The following CACNA1E variants were observed in gnomAD, a reference collection of about 807,000 sequenced individuals.
CACNA1E encodes calcium voltage-gated channel subunit alpha1 E.
CACNA1E carries 40 observed loss-of-function variants against 259.2 expected under a neutral mutation model. The ratio of observed to expected loss-of-function variants is 0.15; its 90% CI spans 0.12 to 0.20. The LOEUF is 0.20. Ranked by LOEUF, CACNA1E falls within the 10% of genes least tolerant of loss-of-function variation. CACNA1E has a pLI of 1.00. For missense variants in CACNA1E, 1,874 were observed against 3,040.1 expected (o/e 0.62, Z 9.02); for synonymous variants, 1,104 against 1,138.5 (o/e 0.97, Z 0.61).
chr1:181,378,197 A>G (rs1655231057), intron 1 of CACNA1E, among the ~76,000 whole-genome samples: 1 of 152,248 alleles, frequency 6.6e-6, no homozygotes, highest in African/African-American at 2.4e-5. Context: ...TGTAATAATA[A>G]TAACAGAGAT....
At chr1:181,710,771 G>A (rs752553954) in intron 7 of CACNA1E, among the ~76,000 whole-genome samples, 183 bp from the exon 8 acceptor site, 6 of 152,220 alleles carry the variant, frequency 3.9e-5, no homozygotes, top group Non-Finnish European at 7.3e-5. Context: ...TTGTGAGGCT[G>A]AATGAGGTGT....
Position 181,802,553 on chromosome 1 carries a change from A to C in CACNA1E, c.*3719A>C, listed in dbSNP as rs1199621981. On this transcript the variant is annotated 3_prime_UTR_variant, in exon 48 of 48. Transcript: ENST00000367573. ...GCTCCTGAGATGGTTAATTCCACCCAATCCAAGCTTATTTGCTTGCCTGAC... is the reference window on the plus strand; with the variant it reads ...GCTCCTGAGATGGTTAATTCCACCCCATCCAAGCTTATTTGCTTGCCTGAC... 1 of 152,100 alleles carries C rather than the reference A, an allele frequency of 6.6e-6. No homozygotes were observed. Among genetic ancestry groups the C allele is most frequent in the African/African-American group, 2.4e-5 (1 of 41,392 alleles). The allele number at this position is 152,100 out of a possible 1,614,324, so 9.4% of individuals were successfully genotyped here.
Position 181,765,683 on chromosome 1 carries a change from G to A in CACNA1E, c.4816-863G>A, listed in dbSNP as rs770682668. Among the ~76,000 whole-genome samples, 5 of 152,294 alleles carry A rather than the reference G, an allele frequency of 3.3e-5. No individual in the cohort carries two copies. In the East Asian group the frequency reaches 7.7e-4, roughly 23 times the overall value. Reference sequence around the variant, plus strand: ...AATCAAGACAGGGTGGAGACTCCTCGTAGCACTGTCTGCCAGGGAGCTTAG... The same window carrying A: ...AATCAAGACAGGGTGGAGACTCCTCATAGCACTGTCTGCCAGGGAGCTTAG... On this transcript the variant is annotated intron_variant, in intron 34 of 47. Transcript: ENST00000367573.
Position 181,410,666 on chromosome 1 carries a change from G to A in CACNA1E, c.-14-2467G>A, listed in dbSNP as rs114625844. ...GGCATTTATGGATTCTGCTTCATGT[G>A]GTAGAGACACTGTGATCAATATAGT... On this transcript the variant is annotated intron_variant, in intron 1 of 11. Transcript: ENST00000524607. 5.1e-3 allele frequency among the ~76,000 whole-genome samples: 776 copies of A among 152,234 alleles called. 6 individuals carry two copies. The highest frequency in any genetic ancestry group is 0.012 in the Admixed American group (187 of 15,300).
chr1:181,523,413 G>A (rs1667130913), intron 3 of CACNA1E, among the ~76,000 whole-genome samples: 1 of 152,182 alleles, frequency 6.6e-6, no homozygotes, highest in African/African-American at 2.4e-5. Flanking sequence ...TAAAAGTATT[G>A]TTGAATGAGT....
chr1:181,393,827 T>C (rs898368795), intron 1 of CACNA1E, among the ~76,000 whole-genome samples: 1 of 152,190 alleles, frequency 6.6e-6, no homozygotes, highest in Non-Finnish European at 1.5e-5. Flanking sequence ...TTAAAAACCA[T>C]TACATTTCAA....
At chr1:181,645,727 G>GT (rs1234603729) in intron 6 of CACNA1E, among the ~76,000 whole-genome samples, 1 of 152,204 alleles carries the variant, frequency 6.6e-6, no homozygotes, top group African/African-American at 2.4e-5. Flanking sequence ...CTTCATGGGT[G>GT]TTTCCCCCAT....
At chr1:181,346,125 TC>T (rs940522315) in intron 1 of CACNA1E, among the ~76,000 whole-genome samples, 7 of 152,304 alleles carry the variant, frequency 4.6e-5, no homozygotes, top group African/African-American at 1.4e-4. Context: ...GCACTGAAGG[TC>T]AGCGAGGGCC....
At chr1:181,331,213 G>GAGAT (rs57300831) in intron 1 of CACNA1E, among the ~76,000 whole-genome samples, 13,950 of 151,752 alleles carry the variant, frequency 0.092, 709 homozygotes, top group East Asian at 0.15. Context: ...GAATCAATAG[G>GAGAT]AGATAGATAG....
At chr1:181,638,739 G>A (rs953638546) in intron 6 of CACNA1E, among the ~76,000 whole-genome samples, 3 of 152,194 alleles carry the variant, frequency 2.0e-5, no homozygotes, top group African/African-American at 7.2e-5. Flanking sequence ...CCCCCATGCT[G>A]TTCTCATGAT....
At chr1:181,527,366 G>C (rs1229565801) in intron 3 of CACNA1E, among the ~76,000 whole-genome samples, 2 of 152,202 alleles carry the variant, frequency 1.3e-5, no homozygotes, top group African/African-American at 4.8e-5. Context: ...TCTAAAGGCT[G>C]AACCTCCAAA....
At chr1:181,626,425 A>G (rs199938) in intron 6 of CACNA1E, among the ~76,000 whole-genome samples, 146,331 of 152,300 alleles carry the variant, frequency 0.96, 70,527 homozygotes, top group East Asian at 1. Context: ...AGGTTAGAGA[A>G]TTCTGCTTTC....
rs935944159 is a variant in CACNA1E at position 181,447,603 on chromosome 1, T to C, written c.434+34023T>C. 2.6e-5 allele frequency among the ~76,000 whole-genome samples: 4 copies of C among 152,308 alleles called. No homozygotes were observed. The East Asian group carries it at 5.8e-4, about 22-fold the overall frequency. ...GTGTTTTAGTTTTTCTGTTACTGCC[T>C]TTACAAATGACCACAAATTTAGTAG... On this transcript the variant is annotated intron_variant, in intron 2 of 11. Coordinates refer to the CACNA1E transcript ENST00000524607.
intron 35 of CACNA1E, among the ~76,000 whole-genome samples, chr1:181,769,013 G>A (rs1284867085): frequency 3.3e-5 from 5 of 152,204 alleles, no homozygotes; most frequent in Non-Finnish European, 7.3e-5. Context: ...TCGGAAGTTC[G>A]AAAGGAGGAG....
At position 181,639,100 on chromosome 1, in the gene CACNA1E, T is replaced by G. The variant is rs115869845; in HGVS notation, c.952-12238T>G. ...TAGAGTAGAGTAGATGCCTTTTTTT[T>G]TTTTTGAGATGGAGTCTCGCTATGT... On this transcript the variant is annotated intron_variant, in intron 6 of 47. Transcript: ENST00000367573. 1.8e-3 allele frequency among the ~76,000 whole-genome samples: 275 copies of G among 152,244 alleles called. 1 individual carries two copies. The highest frequency in any genetic ancestry group is 6.4e-3 in the African/African-American group (266 of 41,550).
In CACNA1E at chr1:181,720,872, C is replaced by T. The variant is rs376476757; in HGVS notation, c.1956+17C>T. 2.4e-5 allele frequency: 37 copies of T among 1,570,276 alleles called. No individual in the cohort carries two copies. Among genetic ancestry groups the T allele is most frequent in the African/African-American group, 8.1e-5 (6 of 74,204 alleles). On this transcript the variant is annotated intron_variant, in intron 15 of 47. Coordinates refer to ENST00000367573, the MANE Select transcript of CACNA1E (RefSeq NM_001205293.3). Reference sequence around the variant, plus strand: ...GTGTTCCAGGTATGAGGCCAGCTGACGGTTCACAAGTGCTGCATGGGGTCC... The same window carrying T: ...GTGTTCCAGGTATGAGGCCAGCTGATGGTTCACAAGTGCTGCATGGGGTCC...
chr1:181,318,520 A>T (rs2102548910), intron 1 of CACNA1E, among the ~76,000 whole-genome samples: 1 of 152,294 alleles, frequency 6.6e-6, no homozygotes, highest in East Asian at 1.9e-4. Context: ...GAGCGGAGCC[A>T]GGCTCCGAGA....
chr1:181,438,558 A>C (rs188812943), intron 2 of CACNA1E, among the ~76,000 whole-genome samples: 29 of 152,346 alleles, frequency 1.9e-4, no homozygotes, highest in Admixed American at 1.3e-3. Context: ...GAAAGTCTAA[A>C]TCAAAGACTG....
intron 7 of CACNA1E, among the ~76,000 whole-genome samples, chr1:181,680,874 G>A (rs1649894880): frequency 6.6e-6 from 1 of 152,192 alleles, no homozygotes. Flanking sequence ...CTTCAGCCCT[G>A]TTGCCATAGG....
Sources: allele counts gnomAD v4.1 joint callset (sites outside exome capture counted in the v4.1 genomes callset), GRCh38; gene constraint gnomAD v4.1.1; transcripts MANE v1.5; gene names NCBI Gene and HGNC (gene_info 2026-07-23, HGNC 2026-07-21).